The following PRUNE2 variants were observed in gnomAD, a reference collection of about 807,000 sequenced individuals.
PRUNE2 encodes prune homolog 2 with BCH domain.
In PRUNE2, 164 loss-of-function variants were observed where a neutral mutation model predicts 252.0. That is an observed-to-expected ratio of 0.65 (90% CI 0.57 to 0.74). The LOEUF is 0.74. PRUNE2 is among the 30% of genes least tolerant of loss of function. The probability of loss-of-function intolerance (pLI) is 0.00; values close to 1 mark genes in which losing one functional copy is unlikely to be tolerated. For missense variants in PRUNE2, 3,495 were observed against 3,711.0 expected (o/e 0.94, Z 1.51); for synonymous variants, 1,292 against 1,350.2 (o/e 0.96, Z 0.94).
At chr9:76,647,113 C>T (rs1845229237) in intron 11 of PRUNE2, among the ~76,000 whole-genome samples, 1 of 152,114 alleles carries the variant, frequency 6.6e-6, no homozygotes, top group Non-Finnish European at 1.5e-5. Flanking sequence ...GAGGTTGAGG[C>T]TGCAGTGAGC....
At chr9:76,875,508 G>T (rs2061427751) in intron 1 of PRUNE2, among the ~76,000 whole-genome samples, 1 of 152,116 alleles carries the variant, frequency 6.6e-6, no homozygotes, top group Non-Finnish European at 1.5e-5. Context: ...TGGGACTACA[G>T]ACACGTGCCA....
intron 9 of PRUNE2, chr9:76,687,565 C>A: frequency 2.9e-6 from 1 of 340,036 alleles, no homozygotes; most frequent in Non-Finnish European, 6.1e-6. Flanking sequence ...TAGTAATCTG[C>A]CTAGGGTTTC....
intron 6 of PRUNE2, among the ~76,000 whole-genome samples, chr9:76,814,805 C>T (rs2057579535): frequency 6.6e-6 from 1 of 152,186 alleles, no homozygotes; most frequent in African/African-American, 2.4e-5. Context: ...ATCTGCATCA[C>T]CTAACACTTT....
intron 4 of PRUNE2, among the ~76,000 whole-genome samples, chr9:76,834,493 C>T (rs982769761): frequency 6.6e-6 from 1 of 152,096 alleles, no homozygotes; most frequent in African/African-American, 2.4e-5. Context: ...ATATTAAATA[C>T]TTAATGTGCC....
intron 10 of PRUNE2, 22 bp downstream of exon 10, chr9:76,655,401 A>C (rs1413263608): frequency 6.3e-7 from 1 of 1,575,034 alleles, no homozygotes; most frequent in South Asian, 1.1e-5. Context: ...CAACGAAGGA[A>C]ATGAACAAAT....
At chr9:76,893,314 G>A (rs148648991) in intron 1 of PRUNE2, among the ~76,000 whole-genome samples, 206 of 152,320 alleles carry the variant, frequency 1.4e-3, no homozygotes, top group Non-Finnish European at 2.5e-3. Flanking sequence ...GTAAAGGTCT[G>A]TGATTCTATA....
chr9:76,770,254 AT>A (rs1438347041), intron 6 of PRUNE2, among the ~76,000 whole-genome samples: 1 of 152,090 alleles, frequency 6.6e-6, no homozygotes, highest in East Asian at 1.9e-4. Context: ...GAGTGTGTTT[AT>A]TTTAGTTTCA....
chr9:76,810,142 T>G (rs1252421553), intron 6 of PRUNE2, among the ~76,000 whole-genome samples: 3 of 152,240 alleles, frequency 2.0e-5, no homozygotes, highest in Non-Finnish European at 2.9e-5. Flanking sequence ...GATTACATCA[T>G]GGTATCATGA....
chr9:76,886,610 C>T (rs966656114), intron 1 of PRUNE2, among the ~76,000 whole-genome samples: 16 of 152,276 alleles, frequency 1.1e-4, no homozygotes, highest in Non-Finnish European at 2.2e-4. Context: ...CTTCCCCACC[C>T]AAACAAGCCC....
rs370472844 is a variant in PRUNE2 at position 76,774,453 on chromosome 9, T to TATTTATTTATTTATTTATTTATTTATTTA, written c.756+49178_756+49179insTAAATAAATAAATAAATAAATAAATAAAT. ...GTTCCTGGCCTCCAGTTCAACCCTT[T>TATTTATTTATTTATTTATTTATTTATTTA]TTTTTTTTTTTTTTTTTTTTTTTTG... is the stretch of plus-strand genomic sequence containing the variant. On this transcript the variant is annotated intron_variant, in intron 6 of 18. Coordinates refer to ENST00000376718, the MANE Select transcript of PRUNE2 (RefSeq NM_015225.3). Among the ~76,000 whole-genome samples, 430 of 122,264 alleles carry TATTTATTTATTTATTTATTTATTTATTTA rather than the reference T, an allele frequency of 3.5e-3. 8 individuals are homozygous for TATTTATTTATTTATTTATTTATTTATTTA. The highest frequency in any genetic ancestry group is 0.012 in the African/African-American group (406 of 34,578). The allele number at this position is 122,264 out of a possible 152,430, so 80.2% of individuals were successfully genotyped here. A position where few individuals can be genotyped will look rare whatever the true frequency, so the allele number is the denominator to read the frequency against.
intron 6 of PRUNE2, among the ~76,000 whole-genome samples, chr9:76,793,695 C>T (rs2055776374): frequency 6.6e-6 from 1 of 151,798 alleles, no homozygotes; most frequent in Non-Finnish European, 1.5e-5. Context: ...AGAGGTCACA[C>T]ACATCTAATT....
At chr9:76,618,831 C>T (rs767977094) in intron 18 of PRUNE2, among the ~76,000 whole-genome samples, 8 of 152,184 alleles carry the variant, frequency 5.3e-5, no homozygotes, top group Admixed American at 2.0e-4. Flanking sequence ...CAGTCTGGAA[C>T]GTGGTTAAGA....
chr9:76,624,990 G>T, intron 16 of PRUNE2: 3 of 1,282,968 alleles, frequency 2.3e-6, no homozygotes, highest in Non-Finnish European at 3.1e-6. Context: ...CACACACAGG[G>T]TCCAGCATGA....
intron 16 of PRUNE2, among the ~76,000 whole-genome samples, chr9:76,628,820 C>G (rs1245981005): frequency 6.6e-6 from 1 of 151,058 alleles, no homozygotes; most frequent in African/African-American, 2.4e-5. Context: ...CAGAACTGAC[C>G]TCTTTTCCAA....
chr9:76,855,603 A>C (rs1478825340), intron 1 of PRUNE2, among the ~76,000 whole-genome samples: 1 of 152,204 alleles, frequency 6.6e-6, no homozygotes, highest in African/African-American at 2.4e-5. Flanking sequence ...CAAATCTTGG[A>C]GGGGGCTAGG....
intron 16 of PRUNE2, among the ~76,000 whole-genome samples, chr9:76,625,665 C>A (rs1205371952): frequency 6.6e-6 from 1 of 152,134 alleles, no homozygotes; most frequent in Non-Finnish European, 1.5e-5. Flanking sequence ...AACACAAAAT[C>A]AATACAAAGT....
chr9:76,799,291 A>C (rs573931229), intron 6 of PRUNE2, among the ~76,000 whole-genome samples: 20 of 151,944 alleles, frequency 1.3e-4, no homozygotes, highest in Non-Finnish European at 2.5e-4. Flanking sequence ...CAGTGGGCCA[A>C]AATGGCACCA....
intron 1 of PRUNE2, among the ~76,000 whole-genome samples, chr9:76,899,981 G>A (rs766407664): frequency 2.6e-5 from 4 of 152,204 alleles, no homozygotes; most frequent in Admixed American, 6.5e-5. Flanking sequence ...GGTAGGAAAG[G>A]TGTGAAAGAT....
rs1397630178 is a variant in PRUNE2, at chr9:76,710,243, T to C, written c.2031A>G (p.Glu677=). Residue 677 remains glutamate, a synonymous_variant, in exon 8 of 19, where the codon GAA becomes GAG. Transcript: ENST00000376718. ...ATGATTCAGGGCTCTGGAAAACAGA[T>C]TCCTGTTCACTGGAACTCCACGCAT... ...IADAWSSSEQ[E]SVFQSPESWK... is the part of the protein sequence containing the mutation. The C allele has an allele frequency of 6.2e-7, 1 of 1,613,852 alleles. No individual in the cohort carries two copies. The highest frequency in any genetic ancestry group is 8.5e-7 in the Non-Finnish European group (1 of 1,179,874).
Sources: gnomAD v4.1 joint callset for allele counts (sites outside exome capture counted in the v4.1 genomes callset) on GRCh38, gnomAD v4.1.1 for gene constraint, MANE v1.5 for transcripts, NCBI Gene and HGNC (gene_info 2026-07-23, HGNC 2026-07-21) for gene names.